The following ABCA12 variants were observed in gnomAD, a reference collection of about 807,000 sequenced individuals.
The protein encoded by ABCA12 is glucosylceramide transporter ABCA12.
In ABCA12, 156 loss-of-function variants were observed where a neutral mutation model predicts 293.5. The ratio of observed to expected loss-of-function variants is 0.53; its 90% CI spans 0.47 to 0.61. The LOEUF (loss-of-function observed/expected upper bound fraction) is 0.61, where lower values mean the gene tolerates loss of function less well. ABCA12 is among the 20% of genes least tolerant of loss of function. The pLI is 0.00. For synonymous variants in ABCA12, 1,063 were observed against 1,108.0 expected (o/e 0.96, Z 0.81); for missense variants, 2,797 against 3,090.2 (o/e 0.91, Z 2.25).
At chr2:215,106,081 C>T (rs887789846) in intron 2 of ABCA12, among the ~76,000 whole-genome samples, 5 of 152,156 alleles carry the variant, frequency 3.3e-5, no homozygotes, top group East Asian at 1.9e-4. Context: ...CCTCACTTCC[C>T]TGAAAACATA....
chr2:215,108,271 C>T (rs1477609365), intron 2 of ABCA12, among the ~76,000 whole-genome samples: 1 of 152,316 alleles, frequency 6.6e-6, no homozygotes, highest in East Asian at 1.9e-4. Context: ...TAGGATAACT[C>T]TAATACATAC....
At position 215,069,709 on chromosome 2, in the gene ABCA12, T is replaced by C. The variant is rs1283879676; in HGVS notation, c.164-5490A>G. Among the ~76,000 whole-genome samples the C allele has an allele frequency of 7.8e-4, 118 of 152,154 alleles. 3 individuals are homozygous for C. The highest frequency in any genetic ancestry group is 7.7e-3 in the Admixed American group (118 of 15,248). The stretch of plus-strand genomic sequence containing the variant: ...CCACCCACCTTCAGATAAAATCAAA[T>C]ACACCAGTTCTTCCTGATTCCAGTC... On this transcript the variant is annotated intron_variant, in intron 2 of 52. Transcript: ENST00000272895.
chr2:214,965,481 C>T (rs1041101773), intron 39 of ABCA12, among the ~76,000 whole-genome samples: 8 of 152,132 alleles, frequency 5.3e-5, no homozygotes, highest in Admixed American at 5.2e-4. Flanking sequence ...TGCCATCTGT[C>T]TCTCTGACAA....
At chr2:214,974,558 AAG>A (rs1204264264) in intron 35 of ABCA12, among the ~76,000 whole-genome samples, 1 of 152,214 alleles carries the variant, frequency 6.6e-6, no homozygotes, top group Non-Finnish European at 1.5e-5. Context: ...ATATGTATAC[AAG>A]AGAGTTGTAC....
At chr2:215,118,984 T>C (rs937837292) in intron 1 of ABCA12, among the ~76,000 whole-genome samples, 1 of 152,202 alleles carries the variant, frequency 6.6e-6, no homozygotes, top group African/African-American at 2.4e-5. Flanking sequence ...ATAATTATTA[T>C]TTTATTTTTG....
intron 1 of ABCA12, among the ~76,000 whole-genome samples, chr2:215,127,141 C>T (rs964094534): frequency 6.6e-6 from 1 of 152,090 alleles, no homozygotes; most frequent in Non-Finnish European, 1.5e-5. Flanking sequence ...TTTGATTCCA[C>T]TGTGGTCTGA....
At position 214,978,991 on chromosome 2, in the gene ABCA12, G is replaced by A. The variant is rs143094635; in HGVS notation, c.4790C>T (p.Ala1597Val). The A allele has an allele frequency of 2.8e-5, 45 of 1,614,086 alleles. No individual in the cohort carries two copies. In the African/African-American group the frequency reaches 5.6e-4, roughly 20 times the overall value. ...NAVCDTMAVT[A>V]MIQSHLPEAY... ...TTCGGGGAGATGTGATTGGATCATT[G>A]CTGTCACGGCCATGGTGTCACATAC... Residue 1597 changes from alanine (A) to valine (V), a missense_variant, in exon 32 of 53, where the codon GCA becomes GTA. Coordinates refer to ENST00000272895, the MANE Select transcript of ABCA12 (RefSeq NM_173076.3).
chr2:214,948,965 TTAA>T, intron 46 of ABCA12, 72 bp downstream of exon 46: 2 of 1,367,790 alleles, frequency 1.5e-6, no homozygotes, highest in Non-Finnish European at 2.1e-6. Context: ...CAAAATAACA[TTAA>T]ATGTTCATTT....
At chr2:215,033,612 A>G (rs977483575) in intron 8 of ABCA12, among the ~76,000 whole-genome samples, 20 of 152,188 alleles carry the variant, frequency 1.3e-4, no homozygotes, top group African/African-American at 4.8e-4. Context: ...CTGAGATTTT[A>G]CTTCTTTTTT....
intron 2 of ABCA12, among the ~76,000 whole-genome samples, chr2:215,067,242 A>C (rs1701656156): frequency 6.6e-6 from 1 of 152,030 alleles, no homozygotes; most frequent in Non-Finnish European, 1.5e-5. Flanking sequence ...TTCCCCTTTA[A>C]GTTCCCCAGT....
At chr2:215,118,622 T>G (rs1469342671) in intron 1 of ABCA12, among the ~76,000 whole-genome samples, 2 of 152,024 alleles carry the variant, frequency 1.3e-5, no homozygotes, top group Admixed American at 1.3e-4. Context: ...TTATTTAAGA[T>G]TTATACATAA....
At chr2:215,075,759 G>A (rs893696176) in intron 2 of ABCA12, 1 of 532,684 alleles carries the variant, frequency 1.9e-6, no homozygotes, top group East Asian at 3.2e-5. Flanking sequence ...ATAGAGGTAT[G>A]TTACTAACAA....
intron 2 of ABCA12, among the ~76,000 whole-genome samples, chr2:215,071,112 G>T (rs577235890): frequency 3.3e-5 from 5 of 151,582 alleles, no homozygotes; most frequent in Admixed American, 3.3e-4. Flanking sequence ...TAGGAGAATC[G>T]CTTGAGCTCA....
intron 3 of ABCA12, among the ~76,000 whole-genome samples, chr2:215,063,196 A>G (rs528026169): frequency 2.6e-5 from 4 of 152,126 alleles, no homozygotes; most frequent in Non-Finnish European, 5.9e-5. Context: ...TTGCACTCTT[A>G]AAGTATCACC....
In ABCA12 at chr2:214,937,000, T is replaced by C. The variant is rs564654030; in HGVS notation, c.7542+510A>G. ...AACTTTAAGTAAGTACAAAAATATA[T>C]AATTAATTGATGCTATTTGTTCATA... On this transcript the variant is annotated intron_variant, in intron 51 of 52. Transcript: ENST00000272895. 8.7e-4 allele frequency among the ~76,000 whole-genome samples: 132 copies of C among 152,210 alleles called. 7 individuals are homozygous for C. Among genetic ancestry groups the C allele is most frequent in the Non-Finnish European group, 3.4e-4 (23 of 68,006 alleles).
chr2:214,983,919 T>TAGTTATTCCTAATATC, intron 28 of ABCA12, 54 bp from the exon 29 acceptor site: 2 of 1,513,992 alleles, frequency 1.3e-6, no homozygotes, highest in Non-Finnish European at 1.8e-6. Context: ...AAGCTAGATA[T>TAGTTATTCCTAATATC]TAGGAATAAC....
intron 29 of ABCA12, 144 bp from the exon 30 acceptor site, chr2:214,982,527 T>C: frequency 1.6e-6 from 1 of 645,024 alleles, no homozygotes; most frequent in African/African-American, 1.8e-5. Flanking sequence ...GGATTCATAA[T>C]ATAGTTTTCT....
At chr2:215,082,704 C>T (rs1701967308) in intron 2 of ABCA12, 1 of 152,168 alleles carries the variant, frequency 6.6e-6, no homozygotes, top group African/African-American at 2.4e-5. Flanking sequence ...CACCATTCCA[C>T]CTCACACAAG....
intron 47 of ABCA12, 102 bp downstream of exon 47, chr2:214,948,494 G>T (rs1698649456): frequency 1.6e-6 from 2 of 1,285,624 alleles, no homozygotes; most frequent in Non-Finnish European, 2.2e-6. Context: ...GGTTTTGAGG[G>T]GAAATGGTGG....
Sources: allele counts gnomAD v4.1 joint callset (sites outside exome capture counted in the v4.1 genomes callset), GRCh38; gene constraint gnomAD v4.1.1; transcripts MANE v1.5; gene names NCBI Gene and HGNC (gene_info 2026-07-23, HGNC 2026-07-21).